Variants in GDPD5 observed in about 807,000 individuals in gnomAD.
The protein encoded by GDPD5 is glycerophosphodiester phosphodiesterase 2.
Under a neutral mutation model 75.1 loss-of-function variants are expected in GDPD5, and 48 were observed. The observed-to-expected ratio is 0.64, with a 90% CI of 0.51 to 0.81. The LOEUF (loss-of-function observed/expected upper bound fraction) is 0.81, where lower values mean the gene tolerates loss of function less well. Ranked by LOEUF, GDPD5 falls within the 40% of genes least tolerant of loss-of-function variation. The probability of loss-of-function intolerance (pLI) is 0.00; values close to 1 mark genes in which losing one functional copy is unlikely to be tolerated. For synonymous variants in GDPD5, 336 were observed against 339.0 expected (o/e 0.99, Z 0.10); for missense variants, 706 against 822.6 (o/e 0.86, Z 1.73).
intron 1 of GDPD5, among the ~76,000 whole-genome samples, chr11:75,504,272 A>G (rs1179691191): frequency 2.0e-5 from 3 of 151,906 alleles, no homozygotes; most frequent in Admixed American, 6.6e-5. Context: ...AACAATTTCT[A>G]CTCCTTGCAG....
chr11:75,525,043 A>C (rs1252070359), intron 1 of GDPD5, among the ~76,000 whole-genome samples, 167 bp downstream of exon 1: 1 of 152,054 alleles, frequency 6.6e-6, no homozygotes. Flanking sequence ...ACCCGCACAC[A>C]ATGGGCGCTC....
At chr11:75,502,224 G>A (rs1327255512) in intron 1 of GDPD5, among the ~76,000 whole-genome samples, 1 of 152,200 alleles carries the variant, frequency 6.6e-6, no homozygotes, top group Non-Finnish European at 1.5e-5. Context: ...CTAAGTCCCT[G>A]CTCCAGGGAC....
chr11:75,488,915 C>A (rs958439501), intron 2 of GDPD5, among the ~76,000 whole-genome samples: 8 of 152,198 alleles, frequency 5.3e-5, no homozygotes, highest in African/African-American at 1.9e-4. Flanking sequence ...AGCCCCACAC[C>A]TGGTGATGGG....
intron 8 of GDPD5, 64 bp downstream of exon 8, chr11:75,449,453 C>A: frequency 6.8e-7 from 1 of 1,463,462 alleles, no homozygotes; most frequent in Non-Finnish European, 9.3e-7. Context: ...CAGGTCGGGG[C>A]AGCACCAGCT....
At chr11:75,506,336 T>G (rs908253741) in intron 1 of GDPD5, among the ~76,000 whole-genome samples, 9 of 152,090 alleles carry the variant, frequency 5.9e-5, no homozygotes, top group African/African-American at 2.2e-4. Context: ...ATGAACTTAC[T>G]TGATAGGAAA....
intron 9 of GDPD5, among the ~76,000 whole-genome samples, chr11:75,445,540 G>A (rs1369646119): frequency 6.6e-6 from 1 of 152,190 alleles, no homozygotes; most frequent in African/African-American, 2.4e-5. Flanking sequence ...GCGAAGACCA[G>A]GTCCATGAGG....
intron 4 of GDPD5, among the ~76,000 whole-genome samples, chr11:75,459,658 A>C (rs186804684): frequency 1.3e-5 from 2 of 152,184 alleles, no homozygotes; most frequent in African/African-American, 4.8e-5. Context: ...AAAATACAAA[A>C]AATTAGCCAG....
At chr11:75,450,977 GC>G (rs1158624334) in intron 6 of GDPD5, 1 of 152,096 alleles carries the variant, frequency 6.6e-6, no homozygotes, top group East Asian at 1.9e-4. Flanking sequence ...ACTGCCGGCC[GC>G]CCTGCCTCCC....
In GDPD5 at chr11:75,441,676, C is replaced by A; in HGVS notation, c.1295G>T (p.Arg432Leu). Residue 432 changes from arginine (R) to leucine (L), a missense_variant, in exon 13 of 17, where the codon CGC becomes CTC. By Grantham distance (102) the Arg-to-Leu change is moderately radical. Coordinates refer to ENST00000336898, the MANE Select transcript of GDPD5 (RefSeq NM_030792.8). Reference sequence around the variant, plus strand: ...CTCCTGGCGGGACACCTGAGTGTAGCGCAGGTTCAGCCGCTGGATGTGGCC... The same window carrying A: ...CTCCTGGCGGGACACCTGAGTGTAGAGCAGGTTCAGCCGCTGGATGTGGCC... ...RRGHIQRLNL[R>L]YTQVSRQELR... 6.2e-7 allele frequency: 1 copy of A among 1,600,210 alleles called. No homozygotes were observed. The highest frequency in any genetic ancestry group is 8.5e-7 in the Non-Finnish European group (1 of 1,174,414).
intron 2 of GDPD5, among the ~76,000 whole-genome samples, chr11:75,488,849 G>A (rs987450983): frequency 2.0e-5 from 3 of 152,126 alleles, no homozygotes; most frequent in East Asian, 1.9e-4. Context: ...GAGCTTCCCC[G>A]GGTTCAGACT....
intron 2 of GDPD5, among the ~76,000 whole-genome samples, chr11:75,481,835 C>G (rs1312400199): frequency 6.6e-6 from 1 of 152,088 alleles, no homozygotes; most frequent in Non-Finnish European, 1.5e-5. Context: ...CTTCATGCTG[C>G]CTCGCATTGA....
At chr11:75,479,774 T>C (rs372910695) in intron 2 of GDPD5, among the ~76,000 whole-genome samples, 3 of 152,324 alleles carry the variant, frequency 2.0e-5, no homozygotes, top group East Asian at 1.9e-4. Context: ...ACTTGCCTAT[T>C]CTAGAGACCT....
chr11:75,496,739 C>T (rs923807713), intron 1 of GDPD5, among the ~76,000 whole-genome samples: 7 of 151,810 alleles, frequency 4.6e-5, no homozygotes, highest in African/African-American at 1.7e-4. Flanking sequence ...CTTAGCCTCC[C>T]GCTGCAGACT....
At chr11:75,480,893 G>A (rs1949899783) in intron 2 of GDPD5, among the ~76,000 whole-genome samples, 4 of 152,200 alleles carry the variant, frequency 2.6e-5, no homozygotes, top group Admixed American at 6.5e-5. Context: ...TTCATTGGAC[G>A]CAGCCATGCT....
At chr11:75,447,954 G>A (rs1357141856) in intron 9 of GDPD5, among the ~76,000 whole-genome samples, 2 of 152,206 alleles carry the variant, frequency 1.3e-5, no homozygotes, top group Non-Finnish European at 2.9e-5. Context: ...GGTCAGCACT[G>A]GAGTCTGGCT....
chr11:75,488,218 C>T (rs1244662734), intron 2 of GDPD5, among the ~76,000 whole-genome samples: 1 of 152,152 alleles, frequency 6.6e-6, no homozygotes, highest in Non-Finnish European at 1.5e-5. Context: ...ATCCTGCCCC[C>T]ACCCCCTTCT....
At chr11:75,477,504 G>T in intron 3 of GDPD5, 115 bp downstream of exon 3, 1 of 504,794 alleles carries the variant, frequency 2.0e-6, no homozygotes. Flanking sequence ...AACCCAGAAA[G>T]GCCATTGGCC....
At chr11:75,480,562 T>C (rs1292860507) in intron 2 of GDPD5, among the ~76,000 whole-genome samples, 1 of 152,180 alleles carries the variant, frequency 6.6e-6, no homozygotes, top group African/African-American at 2.4e-5. Context: ...ACTTTTCCAA[T>C]GTGACTGCAC....
intron 1 of GDPD5, chr11:75,508,837 A>G (rs1950457074): frequency 6.6e-6 from 1 of 152,306 alleles, no homozygotes; most frequent in Non-Finnish European, 1.5e-5. Flanking sequence ...AGGGACCCCC[A>G]GAATTCCAGG....
Sources: allele counts gnomAD v4.1 joint callset (sites outside exome capture counted in the v4.1 genomes callset), GRCh38; gene constraint gnomAD v4.1.1; transcripts MANE v1.5; gene names NCBI Gene and HGNC (gene_info 2026-07-23, HGNC 2026-07-21).